BAIAP2L1: variants seen among roughly 807,000 people sequenced by gnomAD.
BAIAP2L1 encodes BAR/IMD domain containing adaptor protein 2 like 1.
Under a neutral mutation model 66.3 loss-of-function variants are expected in BAIAP2L1, and 35 were observed. The ratio of observed to expected loss-of-function variants is 0.53; its 90% confidence interval spans 0.40 to 0.70. The LOEUF (loss-of-function observed/expected upper bound fraction) is 0.70. Among genes scored for constraint, BAIAP2L1 ranks in the 30% least tolerant of loss-of-function variants. BAIAP2L1 has a pLI of 0.00. For synonymous variants in BAIAP2L1, 269 were observed against 248.7 expected, an observed-to-expected ratio of 1.08 and a Z score of -0.77; for missense variants, 622 against 656.9, an observed-to-expected ratio of 0.95 and a Z score of 0.58.
intron 3 of BAIAP2L1, among the ~76,000 whole-genome samples, chr7:98,327,787 CTTAT>C (rs1433250336): frequency 6.6e-6 from 1 of 152,172 alleles, no homozygotes; most frequent in African/African-American, 2.4e-5. Flanking sequence ...AATGGATTTA[CTTAT>C]TTCTTTTTAG....
chr7:98,386,269 C>T lies in BAIAP2L1; in HGVS notation c.51+14533G>A, dbSNP rs769648805. The T allele has an allele frequency of 2.9e-5, 46 of 1,594,016 alleles. No individual in the cohort carries two copies. In the Middle Eastern group the frequency reaches 5.0e-4, roughly 17 times the overall value. On this transcript the variant is annotated intron_variant, in intron 1 of 13. Transcript: ENST00000005260. Reference sequence around the variant, plus strand: ...TTTGACCATGGAACACATTTTGTCACGGGTAAGATCCATGCCATGGAAGTT... The same window carrying T: ...TTTGACCATGGAACACATTTTGTCATGGGTAAGATCCATGCCATGGAAGTT...
chr7:98,306,972 G>A (rs959834256), intron 10 of BAIAP2L1: 2 of 161,726 alleles, frequency 1.2e-5, no homozygotes, highest in African/African-American at 4.8e-5. Context: ...AATCTGTCTA[G>A]AAAACTGACA....
intron 1 of BAIAP2L1, among the ~76,000 whole-genome samples, chr7:98,369,666 T>C (rs13246043): frequency 0.16 from 4,218 of 27,178 alleles, 297 homozygotes; most frequent in Non-Finnish European, 0.23. Flanking sequence ...TTTCCTAATT[T>C]TTTTTTTTTT....
chr7:98,316,480 AG>A (rs1469925575), intron 6 of BAIAP2L1, among the ~76,000 whole-genome samples: 1 of 152,230 alleles, frequency 6.6e-6, no homozygotes, highest in Non-Finnish European at 1.5e-5. Context: ...TACTTAACTC[AG>A]GGAAACTCTA....
intron 3 of BAIAP2L1, among the ~76,000 whole-genome samples, chr7:98,331,465 CTTTTTT>C (rs34202570): frequency 2.6e-5 from 3 of 115,676 alleles, no homozygotes; most frequent in Non-Finnish European, 1.7e-5. Context: ...AAAGAAAAAT[CTTTTTT>C]TTTTTTTTTT....
chr7:98,346,158 A>G (rs1801869141), intron 3 of BAIAP2L1, among the ~76,000 whole-genome samples: 1 of 152,224 alleles, frequency 6.6e-6, no homozygotes, highest in Non-Finnish European at 1.5e-5. Flanking sequence ...TAAATACAAC[A>G]AAAAATTAAT....
intron 1 of BAIAP2L1, among the ~76,000 whole-genome samples, chr7:98,393,109 A>G (rs1364177669): frequency 1.2e-5 from 1 of 84,848 alleles, no homozygotes; most frequent in African/African-American, 4.4e-5. Context: ...GTGTACATAT[A>G]TGTACACATA....
At chr7:98,335,827 G>A (rs866747729) in intron 3 of BAIAP2L1, among the ~76,000 whole-genome samples, 58 of 152,052 alleles carry the variant, frequency 3.8e-4, no homozygotes, top group African/African-American at 1.2e-3. Flanking sequence ...CACTGCAGCG[G>A]CACAGCCGTT....
At chr7:98,298,378 C>T (rs1800277098) in intron 12 of BAIAP2L1, among the ~76,000 whole-genome samples, 1 of 152,174 alleles carries the variant, frequency 6.6e-6, no homozygotes, top group South Asian at 2.1e-4. Context: ...TTTGGGAGGC[C>T]GAGGCAGACG....
intron 3 of BAIAP2L1, among the ~76,000 whole-genome samples, chr7:98,343,096 A>G (rs991236256): frequency 6.6e-6 from 1 of 151,868 alleles, no homozygotes; most frequent in Non-Finnish European, 1.5e-5. Flanking sequence ...CCTATTATTT[A>G]ACAATTAAAC....
rs2116764213 is a variant in BAIAP2L1 at position 98,292,769 on chromosome 7, G to A, written c.*752C>T. On this transcript the variant is annotated 3_prime_UTR_variant, in exon 14 of 14. Coordinates refer to ENST00000005260, the MANE Select transcript of BAIAP2L1 (RefSeq NM_018842.5). ...TGCAGCTTTGGCCAACTAGCTGAGT[G>A]AGAACACAAGGAGCCGTGACTCCGA... 5 of 1,549,710 alleles carry A rather than the reference G, an allele frequency of 3.2e-6. No homozygotes were observed. Among genetic ancestry groups the A allele is most frequent in the Admixed American group, 3.9e-5 (2 of 50,880 alleles).
At chr7:98,384,419 TTGAC>T (rs1802835969) in intron 1 of BAIAP2L1, among the ~76,000 whole-genome samples, 1 of 152,168 alleles carries the variant, frequency 6.6e-6, no homozygotes, top group Non-Finnish European at 1.5e-5. Flanking sequence ...ACTAGGCTGT[TTGAC>T]TAAGTGCTCT....
chr7:98,333,256 T>A (rs1296814762), intron 3 of BAIAP2L1, among the ~76,000 whole-genome samples: 1 of 152,136 alleles, frequency 6.6e-6, no homozygotes, highest in African/African-American at 2.4e-5. Flanking sequence ...CATTGATTTA[T>A]CCCCAGCAAC....
At chr7:98,386,563 G>A (rs1020959278) in intron 1 of BAIAP2L1, 22 of 1,596,618 alleles carry the variant, frequency 1.4e-5, no homozygotes, top group South Asian at 5.5e-5. Flanking sequence ...TTCGTAAGGC[G>A]CTTGTTCTTG....
chr7:98,351,903 C>T (rs1802009320), intron 3 of BAIAP2L1, among the ~76,000 whole-genome samples: 1 of 152,172 alleles, frequency 6.6e-6, no homozygotes. Flanking sequence ...TCGAGGCGCA[C>T]AGAATGAACG....
intron 1 of BAIAP2L1, among the ~76,000 whole-genome samples, chr7:98,381,660 G>A (rs77718332): frequency 0.01 from 1,574 of 152,238 alleles, 31 homozygotes; most frequent in African/African-American, 0.036. Context: ...ATTACTAGAC[G>A]CAATCACGTT....
chr7:98,394,569 G>A (rs1803156027), intron 1 of BAIAP2L1, among the ~76,000 whole-genome samples: 1 of 152,164 alleles, frequency 6.6e-6, no homozygotes, highest in East Asian at 1.9e-4. Context: ...AAAATTAAAA[G>A]GATGGGAAAT....
At chr7:98,336,286 C>T (rs373743428) in intron 3 of BAIAP2L1, among the ~76,000 whole-genome samples, 61 of 152,142 alleles carry the variant, frequency 4.0e-4, no homozygotes, top group African/African-American at 1.3e-3. Flanking sequence ...ATGCACCCCC[C>T]GAGTCAAAAT....
chr7:98,320,910 G>T (rs1450076502), intron 3 of BAIAP2L1, among the ~76,000 whole-genome samples: 5 of 152,242 alleles, frequency 3.3e-5, no homozygotes, highest in Non-Finnish European at 7.3e-5. Context: ...AGGCTGGAGT[G>T]CAGTGGCACG....
Sources: allele counts gnomAD v4.1 joint callset (sites outside exome capture counted in the v4.1 genomes callset), GRCh38; gene constraint gnomAD v4.1.1; transcripts MANE v1.5; gene names NCBI Gene and HGNC (gene_info 2026-07-23, HGNC 2026-07-21).